The following ARID1B variants were observed in gnomAD, a reference collection of about 807,000 sequenced individuals.
The protein encoded by ARID1B is AT-rich interactive domain-containing protein 1B.
ARID1B carries 30 observed loss-of-function variants against 212.3 expected under a neutral mutation model. The observed-to-expected ratio is 0.14, with a 90% CI of 0.11 to 0.19. The LOEUF (loss-of-function observed/expected upper bound fraction) is 0.19, where lower values mean the gene tolerates loss of function less well. Ranked by LOEUF, ARID1B falls within the 10% of genes least tolerant of loss-of-function variation. The probability of loss-of-function intolerance (pLI) is 1.00; values close to 1 mark genes in which losing one functional copy is unlikely to be tolerated. For synonymous variants in ARID1B, 1,402 were observed against 1,301.7 expected (o/e 1.08, Z -1.66); for missense variants, 2,891 against 3,204.0 (o/e 0.90, Z 2.36).
At chr6:157,116,743 C>T (rs1283394131) in intron 6 of ARID1B, among the ~76,000 whole-genome samples, 2 of 151,924 alleles carry the variant, frequency 1.3e-5, no homozygotes, top group Admixed American at 6.6e-5. Flanking sequence ...GTGAAATCTT[C>T]CAGAATTACT....
chr6:156,930,310 C>T (rs1353887634), intron 3 of ARID1B, among the ~76,000 whole-genome samples: 1 of 152,116 alleles, frequency 6.6e-6, no homozygotes, highest in African/African-American at 2.4e-5. Flanking sequence ...TGTAGCACCT[C>T]CCTGCTCTCT....
At chr6:157,205,446 C>G (rs1794375029) in intron 19 of ARID1B, 1 of 152,112 alleles carries the variant, frequency 6.6e-6, no homozygotes, top group Non-Finnish European at 1.5e-5. Context: ...TAAAGGAAAC[C>G]AAACTTGTTC....
At chr6:156,779,882 G>A (rs1259277570) in intron 1 of ARID1B, among the ~76,000 whole-genome samples, 1 of 152,150 alleles carries the variant, frequency 6.6e-6, no homozygotes, top group Non-Finnish European at 1.5e-5. Flanking sequence ...CCACCCGATC[G>A]GTTCTGGGAG....
chr6:157,113,697 G>A lies in ARID1B; in HGVS notation c.2581+3136G>A, dbSNP rs143868642. ...TTTGGGTGGGGACACAGTTCAACAT[G>A]AGATTTGGGTGGGGACACAAAGCCA... On this transcript the variant is annotated intron_variant, in intron 6 of 19. Transcript: ENST00000636930. Among the ~76,000 whole-genome samples the A allele has an allele frequency of 2.8e-3, 432 of 152,234 alleles. 2 individuals are homozygous for A. Among genetic ancestry groups the A allele is most frequent in the African/African-American group, 0.01 (424 of 41,514 alleles).
chr6:156,828,227 A>G (rs187672889), intron 1 of ARID1B, among the ~76,000 whole-genome samples: 4 of 152,058 alleles, frequency 2.6e-5, no homozygotes, highest in African/African-American at 9.6e-5. Flanking sequence ...ACGCCTGGCT[A>G]AGTTTTTAAT....
intron 3 of ARID1B, among the ~76,000 whole-genome samples, chr6:156,931,855 G>A (rs1017831774): frequency 1.1e-4 from 17 of 151,468 alleles, no homozygotes; most frequent in Non-Finnish European, 2.4e-4. Context: ...CCAGCTACTC[G>A]GGAGGCTGAG....
At chr6:156,852,408 A>G (rs1239555982) in intron 2 of ARID1B, among the ~76,000 whole-genome samples, 1 of 151,950 alleles carries the variant, frequency 6.6e-6, no homozygotes, top group African/African-American at 2.4e-5. Flanking sequence ...TGATGAGGCA[A>G]CTGCACTCCA....
intron 4 of ARID1B, among the ~76,000 whole-genome samples, chr6:156,981,570 G>A (rs1777606468): frequency 6.6e-6 from 1 of 151,968 alleles, no homozygotes; most frequent in African/African-American, 2.4e-5. Flanking sequence ...CCTCAGTTTG[G>A]CATCATTTAC....
chr6:156,919,405 C>T (rs1224134464), intron 3 of ARID1B, among the ~76,000 whole-genome samples: 2 of 151,276 alleles, frequency 1.3e-5, no homozygotes, highest in African/African-American at 4.9e-5. Context: ...TTTCTAGTAC[C>T]AGAATTAAAA....
chr6:156,985,317 ATAGT>A (rs1170152966), intron 4 of ARID1B: 1 of 152,260 alleles, frequency 6.6e-6, no homozygotes, highest in Non-Finnish European at 1.5e-5. Flanking sequence ...ATTGATAAAC[ATAGT>A]TAGCAAGCAT....
At chr6:157,040,050 A>G (rs1296671367) in intron 4 of ARID1B, among the ~76,000 whole-genome samples, 2 of 151,628 alleles carry the variant, frequency 1.3e-5, no homozygotes, top group Non-Finnish European at 2.9e-5. Flanking sequence ...TCCAGGTTCA[A>G]GCAATTCTCC....
intron 4 of ARID1B, among the ~76,000 whole-genome samples, chr6:156,973,981 C>G (rs1259618751): frequency 6.6e-6 from 1 of 152,104 alleles, no homozygotes; most frequent in Admixed American, 6.5e-5. Flanking sequence ...TTTTGCTAGG[C>G]TAATTTAGGT....
chr6:156,898,374 G>C (rs983846301), intron 2 of ARID1B, among the ~76,000 whole-genome samples: 2 of 152,108 alleles, frequency 1.3e-5, no homozygotes, highest in African/African-American at 4.8e-5. Context: ...TGGGTGTCTT[G>C]GTCCTCAGCA....
At chr6:156,814,820 A>G (rs1179683340) in intron 1 of ARID1B, among the ~76,000 whole-genome samples, 1 of 152,182 alleles carries the variant, frequency 6.6e-6, no homozygotes, top group Admixed American at 6.6e-5. Flanking sequence ...ATAATACTCA[A>G]TAACTATTAA....
intron 4 of ARID1B, among the ~76,000 whole-genome samples, chr6:157,083,792 C>T (rs1297039595): frequency 1.3e-5 from 2 of 152,186 alleles, no homozygotes; most frequent in Non-Finnish European, 2.9e-5. Flanking sequence ...TTCACAATAT[C>T]ATATATAAAT....
chr6:156,971,101 GT>G (rs1370553721), intron 4 of ARID1B, among the ~76,000 whole-genome samples: 3 of 152,166 alleles, frequency 2.0e-5, no homozygotes, highest in Non-Finnish European at 2.9e-5. Flanking sequence ...ATAATTAAGA[GT>G]AATTACCAGG....
At chr6:156,950,307 A>G (rs1192312720) in intron 4 of ARID1B, among the ~76,000 whole-genome samples, 3 of 152,244 alleles carry the variant, frequency 2.0e-5, no homozygotes, top group African/African-American at 4.8e-5. Context: ...TACAAACACC[A>G]TATAACCGTA....
chr6:157,069,266 G>A (rs1349136530), intron 4 of ARID1B, among the ~76,000 whole-genome samples: 1 of 152,072 alleles, frequency 6.6e-6, no homozygotes, highest in Admixed American at 6.6e-5. Flanking sequence ...TATTATTCAT[G>A]TCCTGCATGT....
intron 4 of ARID1B, chr6:156,939,800 A>G (rs1180142400): frequency 7.6e-6 from 1 of 130,930 alleles, no homozygotes; most frequent in African/African-American, 2.8e-5. Context: ...AGCTAAAAAT[A>G]CCCTAAAAGC....
Sources: gnomAD v4.1 joint callset for allele counts (sites outside exome capture counted in the v4.1 genomes callset) on GRCh38, gnomAD v4.1.1 for gene constraint, MANE v1.5 for transcripts, NCBI Gene and HGNC (gene_info 2026-07-23, HGNC 2026-07-21) for gene names.